The following RBFOX1 variants were observed in gnomAD, a reference collection of about 807,000 sequenced individuals.
RBFOX1 encodes the protein RNA binding protein fox-1 homolog 1.
A neutral mutation model predicts 57.7 loss-of-function variants in RBFOX1; 8 were observed. That is an observed-to-expected ratio of 0.14 (90% CI 0.08 to 0.25). RBFOX1 has a LOEUF of 0.25. RBFOX1 is among the 10% of genes least tolerant of loss of function. RBFOX1 has a pLI of 1.00. For synonymous variants in RBFOX1, 326 were observed against 222.4 expected (o/e 1.47, Z -4.15); for missense variants, 611 against 548.5 (o/e 1.11, Z -1.14).
At chr16:5,244,048 C>G (rs1023815142) in intron 1 of RBFOX1, among the ~76,000 whole-genome samples, 1 of 152,074 alleles carries the variant, frequency 6.6e-6, no homozygotes, top group African/African-American at 2.4e-5. Context: ...AGGTCCCCAC[C>G]ACCACAGCCG....
intron 2 of RBFOX1, among the ~76,000 whole-genome samples, chr16:6,346,494 A>G (rs562156453): frequency 7.0e-6 from 1 of 142,832 alleles, no homozygotes; most frequent in South Asian, 2.3e-4. Context: ...TACTGTTCCA[A>G]CGAGGCAAGG....
chr16:7,278,542 A>T (rs1284445336), intron 4 of RBFOX1, among the ~76,000 whole-genome samples: 1 of 152,204 alleles, frequency 6.6e-6, no homozygotes, highest in East Asian at 1.9e-4. Context: ...TTTAGAGTTC[A>T]TTAAAATTTA....
In RBFOX1 at chr16:6,842,422, T is replaced by C. The variant is rs35968160; in HGVS notation, c.-16+187772T>C. 9.9e-3 allele frequency among the ~76,000 whole-genome samples: 1,509 copies of C among 152,228 alleles called. 21 individuals are homozygous for C. The highest frequency in any genetic ancestry group is 0.014 in the Non-Finnish European group (980 of 68,000). On this transcript the variant is annotated intron_variant, in intron 3 of 15. Coordinates refer to ENST00000550418, the MANE Select transcript of RBFOX1 (RefSeq NM_018723.4). ...CAACTACTTGGAGATTATTCACTGTTTGGGCAACTTTGCTGACCTTGCTCT... is the reference window on the plus strand; with the variant it reads ...CAACTACTTGGAGATTATTCACTGTCTGGGCAACTTTGCTGACCTTGCTCT...
rs115667188 is a variant in RBFOX1, at chr16:7,414,308, G to C, written c.28-103839G>C. Reference sequence around the variant, plus strand: ...CAAGGAACTCTATGTTCACTGGCCAGGTTATGGGAAGTGGTACAAAGTTGG... The same window carrying C: ...CAAGGAACTCTATGTTCACTGGCCACGTTATGGGAAGTGGTACAAAGTTGG... On this transcript the variant is annotated intron_variant, in intron 4 of 15. Coordinates refer to ENST00000550418, the MANE Select transcript of RBFOX1 (RefSeq NM_018723.4). 3.2e-3 allele frequency among the ~76,000 whole-genome samples: 481 copies of C among 152,300 alleles called. 6 individuals are homozygous for C. The highest frequency in any genetic ancestry group is 0.011 in the African/African-American group (448 of 41,570).
intron 4 of RBFOX1, among the ~76,000 whole-genome samples, chr16:5,950,596 G>T (rs1169160228): frequency 1.3e-5 from 2 of 151,980 alleles, no homozygotes; most frequent in African/African-American, 4.8e-5. Context: ...TCTTCTTTTT[G>T]ATGCTCAAAT....
chr16:5,836,602 A>G (rs1707985652), intron 3 of RBFOX1, among the ~76,000 whole-genome samples: 1 of 151,782 alleles, frequency 6.6e-6, no homozygotes, highest in Non-Finnish European at 1.5e-5. Flanking sequence ...CTCCATCTCC[A>G]TTTCCCCACC....
At chr16:6,512,096 C>T (rs1379443813) in intron 2 of RBFOX1, among the ~76,000 whole-genome samples, 1 of 150,096 alleles carries the variant, frequency 6.7e-6, no homozygotes, top group African/African-American at 2.5e-5. Context: ...CATAGTAAGA[C>T]CTCTCTTCTC....
chr16:5,321,883 G>T (rs2064419056), intron 1 of RBFOX1, among the ~76,000 whole-genome samples: 1 of 152,100 alleles, frequency 6.6e-6, no homozygotes, highest in Admixed American at 6.5e-5. Flanking sequence ...ACAGAGCAGG[G>T]ACCCACACCT....
intron 2 of RBFOX1, among the ~76,000 whole-genome samples, chr16:6,645,433 C>T (rs779489335): frequency 1.1e-4 from 16 of 152,124 alleles, no homozygotes; most frequent in Non-Finnish European, 1.9e-4. Flanking sequence ...CTTTAAGTGC[C>T]AGATACTTCA....
intron 4 of RBFOX1, among the ~76,000 whole-genome samples, chr16:7,265,869 C>T (rs1030026188): frequency 5.3e-5 from 8 of 151,166 alleles, no homozygotes; most frequent in Admixed American, 1.3e-4. Flanking sequence ...GGAGGTGGGG[C>T]CTGGTAAGAG....
chr16:5,643,060 C>A (rs891004980), intron 3 of RBFOX1, among the ~76,000 whole-genome samples: 1 of 152,312 alleles, frequency 6.6e-6, no homozygotes. Flanking sequence ...TATTCTTGCT[C>A]CTCCAGATTG....
intron 1 of RBFOX1, among the ~76,000 whole-genome samples, chr16:6,219,680 G>A (rs1266578183): frequency 6.6e-6 from 1 of 152,104 alleles, no homozygotes; most frequent in African/African-American, 2.4e-5. Flanking sequence ...TTCAAGACCA[G>A]CCTGACCAAC....
In RBFOX1 at chr16:6,919,952, G is replaced by C. The variant is rs180864076; in HGVS notation, c.-15-132105G>C. On this transcript the variant is annotated intron_variant, in intron 3 of 15. Transcript: ENST00000550418. ...TTACCCCCTCCCACTTTTCCCCTCTGAGTCCCCAAAGTCCATTACATCATT... is the reference window on the plus strand; with the variant it reads ...TTACCCCCTCCCACTTTTCCCCTCTCAGTCCCCAAAGTCCATTACATCATT... Among the ~76,000 whole-genome samples, 353 of 151,976 alleles carry C rather than the reference G, an allele frequency of 2.3e-3. 1 individual carries two copies. Among genetic ancestry groups the C allele is most frequent in the African/African-American group, 7.9e-3 (326 of 41,454 alleles).
chr16:6,525,430 A>T (rs780101365), intron 2 of RBFOX1, among the ~76,000 whole-genome samples: 41 of 152,354 alleles, frequency 2.7e-4, no homozygotes, highest in South Asian at 6.2e-4. Context: ...TTGAGAAGTG[A>T]TGCTATAAGG....
chr16:5,857,670 C>G (rs2057106337), intron 3 of RBFOX1, among the ~76,000 whole-genome samples: 1 of 152,034 alleles, frequency 6.6e-6, no homozygotes, highest in East Asian at 1.9e-4. Flanking sequence ...GAAAATGTTC[C>G]CAGCATTTTG....
intron 3 of RBFOX1, among the ~76,000 whole-genome samples, chr16:6,943,274 A>G (rs192445488): frequency 3.5e-4 from 54 of 152,344 alleles, no homozygotes; most frequent in African/African-American, 1.2e-3. Context: ...TGCAAAAAGA[A>G]TAGCCCATTT....
intron 4 of RBFOX1, among the ~76,000 whole-genome samples, chr16:7,151,416 A>C (rs1414699796): frequency 6.6e-6 from 1 of 152,136 alleles, no homozygotes; most frequent in African/African-American, 2.4e-5. Context: ...TAAAGGGGTT[A>C]AACTAATGTC....
Position 7,712,314 on chromosome 16 carries a change from C to T in RBFOX1, c.*1569C>T, listed in dbSNP as rs1465997944. 6.6e-6 allele frequency: 1 copy of T among 152,578 alleles called. No homozygotes were observed. Among genetic ancestry groups the T allele is most frequent in the East Asian group, 1.9e-4 (1 of 5,168 alleles). 9.5% of individuals were successfully genotyped at this position (152,578 alleles called of 1,614,324 possible). ...TACAGTGCAGGCCCTGTGGCCCGCA[C>T]TTCAGTAAGTTATCAACTCTCACCG... On this transcript the variant is annotated 3_prime_UTR_variant, in exon 16 of 16. Transcript: ENST00000550418.
In RBFOX1 at chr16:6,971,484, T is replaced by C. The variant is rs1305397200; in HGVS notation, c.-15-80573T>C. On this transcript the variant is annotated intron_variant, in intron 3 of 15. Coordinates refer to ENST00000550418, the MANE Select transcript of RBFOX1 (RefSeq NM_018723.4). Reference sequence around the variant, plus strand: ...GTGCAGAGCTTTTCAGATTGCAATATGAAGAGAGAGAGAGAGAGAGAGTTG... The same window carrying C: ...GTGCAGAGCTTTTCAGATTGCAATACGAAGAGAGAGAGAGAGAGAGAGTTG... Among the ~76,000 whole-genome samples the C allele has an allele frequency of 3.5e-5, 5 of 143,570 alleles. No homozygotes were observed. The East Asian group carries it at 1.0e-3, about 30-fold the overall frequency. 94.2% of individuals were successfully genotyped at this position (143,570 alleles called of 152,430 possible). A position where few individuals can be genotyped will look rare whatever the true frequency, so the allele number is the denominator to read the frequency against.
Sources: allele counts gnomAD v4.1 joint callset (sites outside exome capture counted in the v4.1 genomes callset), GRCh38; gene constraint gnomAD v4.1.1; transcripts MANE v1.5; gene names NCBI Gene and HGNC (gene_info 2026-07-23, HGNC 2026-07-21).